Variants in IQSEC3 observed in about 807,000 individuals in gnomAD.
The protein encoded by IQSEC3 is IQ motif and Sec7 domain ArfGEF 3.
In IQSEC3, 50 loss-of-function variants were observed where a neutral mutation model predicts 105.4. The ratio of observed to expected loss-of-function variants is 0.47; its 90% confidence interval spans 0.38 to 0.60. The LOEUF (loss-of-function observed/expected upper bound fraction) is 0.60, where lower values mean the gene tolerates loss of function less well. Among genes scored for constraint, IQSEC3 ranks in the 20% least tolerant of loss-of-function variants. The pLI is 0.00. For missense variants in IQSEC3, 1,415 were observed against 1,630.0 expected, an observed-to-expected ratio of 0.87 and a Z score of 2.27; for synonymous variants, 708 against 746.0, an observed-to-expected ratio of 0.95 and a Z score of 0.83.
chr12:81,504 G>A (rs1863744427), intron 1 of IQSEC3, among the ~76,000 whole-genome samples: 1 of 152,192 alleles, frequency 6.6e-6, no homozygotes, highest in Non-Finnish European at 1.5e-5. Context: ...CAAGACAACA[G>A]TACTTCCTGA....
Position 138,441 on chromosome 12 carries a change from ACGGCCGAGAGCCTGG to A in IQSEC3, c.1088_1102del (p.Ser363_Glu367del), listed in dbSNP as rs782818701. On this transcript the variant is annotated inframe_deletion, in exon 4 of 14. Coordinates refer to ENST00000538872, the MANE Select transcript of IQSEC3 (RefSeq NM_001170738.2). The surrounding 1 kb of genome is among the most constrained non-coding windows in gnomAD (Gnocchi z 7.1). ...CTCCCTGCGCAAGGTGCGGTCACCC[ACGGCCGAGAGCCTGG>A]CGGCCGAGAAAGCGCTCATGGAGGG... 11 of 1,605,206 alleles carry A rather than the reference ACGGCCGAGAGCCTGG, an allele frequency of 6.9e-6. No individual in the cohort carries two copies. The highest frequency in any genetic ancestry group is 1.7e-5 in the Admixed American group (1 of 59,868).
In IQSEC3 at chr12:91,080, G is replaced by T. The variant is rs137861204; in HGVS notation, c.555-8066G>T. Among the ~76,000 whole-genome samples the T allele has an allele frequency of 6.7e-3, 1,023 of 152,230 alleles. 10 individuals are homozygous for T. Among genetic ancestry groups the T allele is most frequent in the African/African-American group, 0.023 (974 of 41,538 alleles). ...GTTCCCTGGCTGTTTCCTTCTGAAG[G>T]CTGGGGATTCAGTCTGCTATCCTCA... is the stretch of plus-strand genomic sequence containing the variant. On this transcript the variant is annotated intron_variant, in intron 1 of 13. Coordinates refer to ENST00000538872, the MANE Select transcript of IQSEC3 (RefSeq NM_001170738.2).
intron 8 of IQSEC3, among the ~76,000 whole-genome samples, chr12:162,787 T>C (rs1227229530): frequency 3.3e-5 from 5 of 152,172 alleles, no homozygotes; most frequent in Admixed American, 6.5e-5. Context: ...AGATGCCAGG[T>C]GTCTCTGTGA....
rs565601475 is a variant in IQSEC3 at position 88,778 on chromosome 12, C to A, written c.555-10368C>A. 2.6e-5 allele frequency among the ~76,000 whole-genome samples: 4 copies of A among 152,282 alleles called. No homozygotes were observed. The South Asian group carries it at 8.3e-4, about 32-fold the overall frequency. On this transcript the variant is annotated intron_variant, in intron 1 of 13. Transcript: ENST00000538872. ...AATCTACCTCTCCCTCCACAGCCCC[C>A]AGGCCTGCAGAAGAAAATAGGGACC...
rs1939203563 is a variant in IQSEC3, at chr12:175,225, C to G, written c.*192C>G. The G allele has an allele frequency of 1.8e-6, 1 of 569,516 alleles. No individual in the cohort carries two copies. Among genetic ancestry groups the G allele is most frequent in the Non-Finnish European group, 3.1e-6 (1 of 324,532 alleles). The allele number at this position is 569,516 out of a possible 1,614,324, so 35.3% of individuals were successfully genotyped here. A position where few individuals can be genotyped will look rare whatever the true frequency, so the allele number is the denominator to read the frequency against. On this transcript the variant is annotated 3_prime_UTR_variant, in exon 14 of 14. Coordinates refer to ENST00000538872, the MANE Select transcript of IQSEC3 (RefSeq NM_001170738.2). ...ATCCTTCCCTTTCTCAGCTGCACCC[C>G]CTCTGCAGATCTGAAGACACACCTC...
In IQSEC3 at chr12:141,072, C is replaced by G; in HGVS notation, c.1992-52C>G. ...GGGTGGAAGACAGGGAGGAAAGAGT[C>G]ATGGATGGCTTCAGCTCACTCTCTA... On this transcript the variant is annotated intron_variant, in intron 4 of 13. Coordinates refer to ENST00000538872, the MANE Select transcript of IQSEC3 (RefSeq NM_001170738.2). The G allele has an allele frequency of 3.2e-6, 5 of 1,540,622 alleles. No individual in the cohort carries two copies. In the South Asian group the frequency reaches 6.0e-5, roughly 18 times the overall value.
intron 1 of IQSEC3, among the ~76,000 whole-genome samples, chr12:78,033 C>T (rs1272703365): frequency 2.0e-5 from 3 of 151,278 alleles, no homozygotes; most frequent in Admixed American, 2.0e-4. Context: ...AGCCGCGTGC[C>T]CACAGCCTCC....
At chr12:85,593 G>A (rs1035156921) in intron 1 of IQSEC3, among the ~76,000 whole-genome samples, 2 of 152,240 alleles carry the variant, frequency 1.3e-5, no homozygotes, top group East Asian at 3.8e-4. Context: ...CTGACAGCAA[G>A]CTCTCACTGT....
In IQSEC3 at chr12:165,772, C is replaced by T. The variant is rs782788864; in HGVS notation, c.2853C>T (p.Ser951=). Residue 951 remains serine (S), a synonymous_variant, in exon 11 of 14, where the codon TCC becomes TCT. Transcript: ENST00000538872. The part of the protein sequence containing the change: ...GITLVTPLSG[S]EKKQVLHFCA... ...CACTGGTGACCCCGCTCTCGGGCTC[C>T]GAGAAGAAGCAGGTGCTGCATTTCT... 29 of 1,613,814 alleles carry T rather than the reference C, an allele frequency of 1.8e-5. No individual in the cohort carries two copies. Among genetic ancestry groups the T allele is most frequent in the Middle Eastern group, 1.6e-4 (1 of 6,084 alleles).
chr12:160,313 G>T (rs1191227646), intron 7 of IQSEC3, among the ~76,000 whole-genome samples: 1 of 152,136 alleles, frequency 6.6e-6, no homozygotes, highest in African/African-American at 2.4e-5. Context: ...CACAGGTGGA[G>T]GCTGCTGGCT....
At chr12:147,067 G>A (rs1209291267) in intron 5 of IQSEC3, among the ~76,000 whole-genome samples, 2 of 152,186 alleles carry the variant, frequency 1.3e-5, no homozygotes, top group East Asian at 3.9e-4. Flanking sequence ...CATATAAATT[G>A]GACTTTTATA....
Position 157,566 on chromosome 12 carries a change from A to C in IQSEC3, c.2315A>C (p.Gln772Pro). Residue 772 changes from glutamine to proline, a missense_variant, in exon 7 of 14, where the codon CAG becomes CCG. Transcript: ENST00000538872. ...YCMCNPEVVQQFHNPDTIFIL... is the reference protein window; with the variant it reads ...YCMCNPEVVQPFHNPDTIFIL... Reference sequence around the variant, plus strand: ...ATGTGCAACCCCGAAGTGGTTCAGCAGTTCCACAACCCCGACACCATCTTC... The same window carrying C: ...ATGTGCAACCCCGAAGTGGTTCAGCCGTTCCACAACCCCGACACCATCTTC... 1 of 1,614,190 alleles carries C rather than the reference A, an allele frequency of 6.2e-7. No individual in the cohort carries two copies. Among genetic ancestry groups the C allele is most frequent in the East Asian group, 2.2e-5 (1 of 44,870 alleles).
intron 2 of IQSEC3, among the ~76,000 whole-genome samples, chr12:100,094 T>C: frequency 6.6e-6 from 1 of 152,224 alleles, no homozygotes; most frequent in East Asian, 1.9e-4. Context: ...TCTCCTGTTA[T>C]GGAGTGAATT....
At position 174,665 on chromosome 12, in the gene IQSEC3, C is replaced by T; in HGVS notation, c.3181C>T (p.Pro1061Ser). ...CGGGCTGGGGGCCGAGAGGGGAGCG[C>T]CGGTGCCGCCGCCAGACCTGCAGCC... ...NSGLGAERGA[P>S]VPPPDLQPSP... Residue 1061 changes from proline to serine, a missense_variant, in exon 14 of 14, where the codon CCG (proline) becomes TCG (serine). Pro to Ser is a moderately conservative substitution (Grantham distance 74). Transcript: ENST00000538872. 6.3e-7 allele frequency: 1 copy of T among 1,589,550 alleles called. No homozygotes were observed. The highest frequency in any genetic ancestry group is 2.2e-5 in the East Asian group (1 of 44,708).
intron 7 of IQSEC3, 119 bp downstream of exon 7, chr12:157,813 G>C: frequency 8.6e-7 from 1 of 1,167,512 alleles, no homozygotes; most frequent in African/African-American, 1.6e-5. Flanking sequence ...GTCTGGGCCT[G>C]GTCACCCATA....
At chr12:107,861 C>T (rs1246959349) in intron 2 of IQSEC3, among the ~76,000 whole-genome samples, 2 of 152,096 alleles carry the variant, frequency 1.3e-5, no homozygotes, top group Non-Finnish European at 2.9e-5. Context: ...ACCTCCCTTA[C>T]AGAGTATGGA....
At chr12:167,278 G>A (rs1938707348) in intron 11 of IQSEC3, 3 of 152,180 alleles carry the variant, frequency 2.0e-5, no homozygotes, top group Admixed American at 2.0e-4. Context: ...TGTCCCAGAT[G>A]GCTCCGCACT....
intron 2 of IQSEC3, among the ~76,000 whole-genome samples, chr12:108,151 T>G (rs1399692536): frequency 6.6e-6 from 1 of 152,246 alleles, no homozygotes; most frequent in Non-Finnish European, 1.5e-5. Flanking sequence ...TCCTTTCTGA[T>G]GGCCGTTTAC....
chr12:141,309 T>C, intron 5 of IQSEC3, 24 bp downstream of exon 5: 1 of 1,601,028 alleles, frequency 6.2e-7, no homozygotes, highest in Non-Finnish European at 8.6e-7. Flanking sequence ...ACTCCGGGCT[T>C]TCCCCACTCC....
Sources: allele counts gnomAD v4.1 joint callset (sites outside exome capture counted in the v4.1 genomes callset), GRCh38; gene constraint gnomAD v4.1.1; non-coding constraint Gnocchi (gnomAD v3.1); transcripts MANE v1.5; gene names NCBI Gene and HGNC (gene_info 2026-07-23, HGNC 2026-07-21).